PTPRR: variants seen among roughly 807,000 people sequenced by gnomAD.
PTPRR encodes the protein protein tyrosine phosphatase receptor type R.
Under a neutral mutation model 77.2 loss-of-function variants are expected in PTPRR, and 38 were observed. The observed-to-expected ratio is 0.49, with a 90% CI of 0.38 to 0.65. PTPRR has a LOEUF of 0.65. PTPRR is among the 30% of genes least tolerant of loss of function. The pLI is 0.00. For synonymous variants in PTPRR, 299 were observed against 283.1 expected (o/e 1.06, Z -0.57); for missense variants, 744 against 799.2 (o/e 0.93, Z 0.83).
In PTPRR at chr12:70,684,032, T is replaced by C. The variant is rs1051952824; in HGVS notation, c.1497+95A>G. On this transcript the variant is annotated intron_variant, in intron 10 of 13. Transcript: ENST00000283228. Reference sequence around the variant, plus strand: ...GCCTTTAAATGTCTCAGAGTTTCCATCTTAAATCTAAGTCCATGGCAATTT... The same window carrying C: ...GCCTTTAAATGTCTCAGAGTTTCCACCTTAAATCTAAGTCCATGGCAATTT... 10 of 1,346,496 alleles carry C rather than the reference T, an allele frequency of 7.4e-6. No homozygotes were observed. In the African/African-American group the frequency reaches 1.0e-4, roughly 14 times the overall value. 83.4% of individuals were successfully genotyped at this position (1,346,496 alleles called of 1,614,324 possible).
At chr12:70,836,235 A>G (rs537478759) in intron 2 of PTPRR, among the ~76,000 whole-genome samples, 17 of 151,904 alleles carry the variant, frequency 1.1e-4, no homozygotes, top group Non-Finnish European at 2.4e-4. Flanking sequence ...CCTGCCTACC[A>G]GAGCTATCTC....
At chr12:70,712,555 G>A (rs905732606) in intron 6 of PTPRR, among the ~76,000 whole-genome samples, 1 of 150,474 alleles carries the variant, frequency 6.6e-6, no homozygotes, top group African/African-American at 2.4e-5. Flanking sequence ...GAAGTAAAGA[G>A]TTTTTATTTT....
At chr12:70,759,307 C>A (rs538096510) in intron 4 of PTPRR, among the ~76,000 whole-genome samples, 1 of 152,074 alleles carries the variant, frequency 6.6e-6, no homozygotes, top group African/African-American at 2.4e-5. Context: ...AATGAAGACA[C>A]AGATCAAATG....
intron 10 of PTPRR, chr12:70,672,486 C>A (rs1409302487): frequency 2.6e-6 from 3 of 1,162,928 alleles, no homozygotes; most frequent in Non-Finnish European, 3.9e-6. Flanking sequence ...CGGCTCATAA[C>A]GTGAGTGCTC....
intron 2 of PTPRR, among the ~76,000 whole-genome samples, chr12:70,866,102 C>T (rs1332238927): frequency 1.3e-5 from 2 of 151,802 alleles, no homozygotes; most frequent in Admixed American, 1.3e-4. Flanking sequence ...AAAATTGACA[C>T]CCTAACATCA....
intron 1 of PTPRR, among the ~76,000 whole-genome samples, chr12:70,908,423 G>A (rs550930262): frequency 6.6e-6 from 1 of 152,086 alleles, no homozygotes; most frequent in East Asian, 1.9e-4. Flanking sequence ...ACTTACAATC[G>A]GCAGAAGGGG....
chr12:70,662,382 A>G, intron 11 of PTPRR, 113 bp downstream of exon 11: 1 of 582,444 alleles, frequency 1.7e-6, no homozygotes, highest in Admixed American at 3.6e-5. Context: ...CTTTGATCTT[A>G]ACATTATTTA....
chr12:70,788,748 A>C, intron 2 of PTPRR: 1 of 1,076,054 alleles, frequency 9.3e-7, no homozygotes, highest in South Asian at 1.3e-5. Context: ...ATAAATCTTA[A>C]TATTTACCCT....
chr12:70,765,150 C>G (rs1006914000), intron 2 of PTPRR, among the ~76,000 whole-genome samples: 9 of 152,122 alleles, frequency 5.9e-5, no homozygotes, highest in Non-Finnish European at 1.0e-4. Flanking sequence ...GAGTGCCAGA[C>G]AGTGGGCGCA....
rs192059708 is a variant in PTPRR, at chr12:70,872,465, G to C, written c.357+20214C>G. On this transcript the variant is annotated intron_variant, in intron 2 of 13. Transcript: ENST00000283228. The stretch of plus-strand genomic sequence containing the variant: ...AATCCCAGCACTTTGGGAGGCCGAG[G>C]CAGGCGGATCATGAGGTCAGGAGAT... Among the ~76,000 whole-genome samples the C allele has an allele frequency of 9.1e-4, 139 of 152,070 alleles. 1 individual carries two copies. Among genetic ancestry groups the C allele is most frequent in the African/African-American group, 3.0e-3 (125 of 41,496 alleles).
chr12:70,845,875 C>T (rs1473067861), intron 2 of PTPRR, among the ~76,000 whole-genome samples: 2 of 152,120 alleles, frequency 1.3e-5, no homozygotes, highest in Non-Finnish European at 2.9e-5. Context: ...GATCATAAGC[C>T]TGCCTTTCCT....
At chr12:70,652,986 C>T (rs755048298) in intron 13 of PTPRR, among the ~76,000 whole-genome samples, 4 of 152,260 alleles carry the variant, frequency 2.6e-5, no homozygotes, top group Admixed American at 6.5e-5. Flanking sequence ...TTTTTCAGCA[C>T]GTTCTTCCAA....
At chr12:70,910,784 G>C (rs996024273) in intron 1 of PTPRR, among the ~76,000 whole-genome samples, 1 of 152,142 alleles carries the variant, frequency 6.6e-6, no homozygotes, top group Non-Finnish European at 1.5e-5. Flanking sequence ...AATGCCCAAG[G>C]GGACCAGGCT....
chr12:70,865,445 G>A (rs1432725755), intron 2 of PTPRR, among the ~76,000 whole-genome samples: 1 of 152,130 alleles, frequency 6.6e-6, no homozygotes, highest in African/African-American at 2.4e-5. Context: ...AGGACAGGTG[G>A]AAAATTTTCC....
At chr12:70,719,617 A>G (rs1304870442) in intron 6 of PTPRR, among the ~76,000 whole-genome samples, 4 of 152,142 alleles carry the variant, frequency 2.6e-5, no homozygotes, top group African/African-American at 9.7e-5. Flanking sequence ...CCTCTACAAC[A>G]AATCTGTATC....
At chr12:70,805,799 G>A (rs1484922368) in intron 2 of PTPRR, among the ~76,000 whole-genome samples, 1 of 152,294 alleles carries the variant, frequency 6.6e-6, no homozygotes, top group South Asian at 2.1e-4. Flanking sequence ...AGATTATATA[G>A]GTTGTAAGTT....
At chr12:70,784,512 A>G (rs1387382951) in intron 2 of PTPRR, among the ~76,000 whole-genome samples, 1 of 152,100 alleles carries the variant, frequency 6.6e-6, no homozygotes, top group Non-Finnish European at 1.5e-5. Flanking sequence ...CCGGAGCACA[A>G]CCTAGCCCCG....
intron 2 of PTPRR, among the ~76,000 whole-genome samples, chr12:70,771,127 A>T (rs1890964451): frequency 6.6e-6 from 1 of 151,674 alleles, no homozygotes; most frequent in Non-Finnish European, 1.5e-5. Context: ...CACATTGTGC[A>T]CATGTACCCT....
intron 1 of PTPRR, among the ~76,000 whole-genome samples, chr12:70,900,015 C>G (rs78814431): frequency 0.029 from 4,419 of 151,252 alleles, 109 homozygotes; most frequent in Non-Finnish European, 0.047. Context: ...AAATGTTGAA[C>G]AAAGAAATCA....
Sources: gnomAD v4.1 joint callset for allele counts (sites outside exome capture counted in the v4.1 genomes callset) on GRCh38, gnomAD v4.1.1 for gene constraint, MANE v1.5 for transcripts, NCBI Gene and HGNC (gene_info 2026-07-23, HGNC 2026-07-21) for gene names.